Variants in EGR2 observed in about 807,000 individuals in gnomAD.
EGR2 encodes E3 SUMO-protein ligase EGR2.
A neutral mutation model predicts 21.2 loss-of-function variants in EGR2; 2 were observed. The ratio of observed to expected loss-of-function variants is 0.09; its 90% CI spans 0.04 to 0.30. The LOEUF is 0.30. Among genes scored for constraint, EGR2 ranks in the 10% least tolerant of loss-of-function variants. The pLI, the probability that EGR2 is intolerant of heterozygous loss-of-function variation, is 1.00. For synonymous variants in EGR2, 282 were observed against 258.2 expected (o/e 1.09, Z -0.88); for missense variants, 458 against 630.2 (o/e 0.73, Z 2.93).
chr10:62,816,215 T>A lies in EGR2; in HGVS notation c.-186A>T. 14 of 1,482,820 alleles carry A rather than the reference T, an allele frequency of 9.4e-6. No homozygotes were observed. The highest frequency in any genetic ancestry group is 1.2e-5 in the Non-Finnish European group (14 of 1,120,996). The allele number at this position is 1,482,820 out of a possible 1,614,324, so 91.9% of individuals were successfully genotyped here. On this transcript the variant is annotated 5_prime_UTR_variant, in exon 1 of 2. Coordinates refer to ENST00000242480, the MANE Select transcript of EGR2 (RefSeq NM_000399.5). ...ATAAAAGTAGCAAACAAGTTGCTGT[T>A]TTTTAAGAAATAAGAAAAATGTCTA...
rs763131472 is a variant in EGR2 at position 62,815,956 on chromosome 10, A to T, written c.74T>A (p.Ile25Asn). ...SGFVHQLSDN[I>N]YPVEDLAATS... Reference sequence around the variant, plus strand: ...GGCGGCGAGGTCCTCCACCGGGTAGATGTTGTCAGACAGCTGGTGCACAAA... The same window carrying T: ...GGCGGCGAGGTCCTCCACCGGGTAGTTGTTGTCAGACAGCTGGTGCACAAA... The change falls in exon 1 of 2, where the codon ATC becomes AAC. Residue 25 changes from isoleucine (I) to asparagine (N), a missense_variant. Coordinates refer to ENST00000242480, the MANE Select transcript of EGR2 (RefSeq NM_000399.5). 56 of 1,614,096 alleles carry T rather than the reference A, an allele frequency of 3.5e-5. No individual in the cohort carries two copies. The highest frequency in any genetic ancestry group is 4.7e-5 in the Non-Finnish European group (55 of 1,180,042).
upstream of EGR2, among the ~76,000 whole-genome samples, chr10:62,817,664 G>A (rs1354426287): frequency 6.6e-6 from 1 of 152,076 alleles, no homozygotes; most frequent in African/African-American, 2.4e-5. This position sits in a 1 kb window ranked among gnomAD's most constrained non-coding sequence, Gnocchi z 4.4. Flanking sequence ...CTCAGTGACG[G>A]CCGAAAGCAT....
chr10:62,817,458 G>A (rs1361171037), upstream of EGR2, among the ~76,000 whole-genome samples: 3 of 152,110 alleles, frequency 2.0e-5, no homozygotes, highest in Admixed American at 6.5e-5. The surrounding 1 kb of genome is among the most constrained non-coding windows in gnomAD (Gnocchi z 4.4). Flanking sequence ...GCGGGCTCCG[G>A]GCTCGCTGGA....
chr10:62,813,845 G>A lies in EGR2; in HGVS notation c.793C>T (p.Leu265Phe), dbSNP rs1201245940. ...TLRVPPPLTPLSTIRNFTLGG... is the reference protein window; with the variant it reads ...TLRVPPPLTPFSTIRNFTLGG... ...AGGGTAAAGTTACGGATTGTAGAGAGTGGAGTGAGTGGAGGGGGCACCCGC... is the reference window on the plus strand; with the variant it reads ...AGGGTAAAGTTACGGATTGTAGAGAATGGAGTGAGTGGAGGGGGCACCCGC... Residue 265 changes from leucine (L) to phenylalanine (F), a missense_variant, in exon 2 of 2, where the codon CTC becomes TTC. By Grantham distance (22) the Leu-to-Phe change is conservative (BLOSUM62 0). Around this residue, in one of 5 missense-constraint regions of EGR2, gnomAD observed 253 missense variants for 315.5 expected, o/e 0.80. Coordinates refer to ENST00000242480, the MANE Select transcript of EGR2 (RefSeq NM_000399.5). The surrounding 1 kb of genome is among the most constrained non-coding windows in gnomAD (Gnocchi z 5.7). 1.2e-6 allele frequency: 2 copies of A among 1,614,052 alleles called. No homozygotes were observed. Among genetic ancestry groups the A allele is most frequent in the African/African-American group, 1.3e-5 (1 of 74,928 alleles).
intron 1 of EGR2, 26 bp downstream of exon 1, chr10:62,815,835 C>A (rs762293020): frequency 6.2e-7 from 1 of 1,613,460 alleles, no homozygotes; most frequent in Non-Finnish European, 8.5e-7. Flanking sequence ...CGCGCAGGTC[C>A]GGGCCTGCGA....
At position 62,815,856 on chromosome 10, in the gene EGR2, C is replaced by G; in HGVS notation, c.169+5G>C. On this transcript the variant is annotated splice_donor_5th_base_variant and intron_variant, in intron 1 of 1. Coordinates refer to ENST00000242480, the MANE Select transcript of EGR2 (RefSeq NM_000399.5). ...GGTCCGGGCCTGCGAAGACACGCGG[C>G]TTACCTCCGGCCACTCCGTTCATCT... is the stretch of plus-strand genomic sequence containing the variant. 6.2e-7 allele frequency: 1 copy of G among 1,614,010 alleles called. No individual in the cohort carries two copies. Among genetic ancestry groups the G allele is most frequent in the East Asian group, 2.2e-5 (1 of 44,880 alleles).
At position 62,816,101 on chromosome 10, in the gene EGR2, G is replaced by A. The variant is rs1842261716; in HGVS notation, c.-72C>T. 3 of 1,612,948 alleles carry A rather than the reference G, an allele frequency of 1.9e-6. No homozygotes were observed. Among genetic ancestry groups the A allele is most frequent in the African/African-American group, 1.3e-5 (1 of 74,882 alleles). On this transcript the variant is annotated 5_prime_UTR_variant, in exon 1 of 2. Coordinates refer to ENST00000242480, the MANE Select transcript of EGR2 (RefSeq NM_000399.5). ...TGTCAGAAAAGCCGTTTTGGAGAGG[G>A]GTTGGACTGAGCCTGGGATGGTATC...
chr10:62,818,885 G>A (rs1040241052), upstream of EGR2, among the ~76,000 whole-genome samples: 2 of 152,048 alleles, frequency 1.3e-5, no homozygotes, highest in African/African-American at 4.8e-5. Flanking sequence ...GTCGCCGCGC[G>A]CCACCCCGAG....
At chr10:62,816,623 G>C (rs1047978047), upstream of EGR2, among the ~76,000 whole-genome samples, 6 of 152,148 alleles carry the variant, frequency 3.9e-5, no homozygotes, top group African/African-American at 1.4e-4. Flanking sequence ...GCGGGGGAGA[G>C]GGCGCGCCAT....
At chr10:62,818,471 T>C (rs1261845805), upstream of EGR2, 1 of 926,174 alleles carries the variant, frequency 1.1e-6, no homozygotes, top group East Asian at 8.7e-5. Context: ...CCAGCAAAAA[T>C]GTGCAAAGTC....
Position 62,813,038 on chromosome 10 carries a change from G to A in EGR2, c.*169C>T. On this transcript the variant is annotated 3_prime_UTR_variant, in exon 2 of 2. Transcript: ENST00000242480. This position sits in a 1 kb window ranked among gnomAD's most constrained non-coding sequence, Gnocchi z 5.7. ...AGAGACTAGAATGGGCTAAGTTTTAGGAAGAACCTGCTTCTAGGTGGAAAG... is the reference window on the plus strand; with the variant it reads ...AGAGACTAGAATGGGCTAAGTTTTAAGAAGAACCTGCTTCTAGGTGGAAAG... The A allele has an allele frequency of 1.4e-6, 1 of 731,582 alleles. No individual in the cohort carries two copies. Among genetic ancestry groups the A allele is most frequent in the East Asian group, 2.7e-5 (1 of 37,294 alleles). 45.3% of individuals were successfully genotyped at this position (731,582 alleles called of 1,614,324 possible).
At position 62,814,044 on chromosome 10, in the gene EGR2, G is replaced by A; in HGVS notation, c.594C>T (p.Ser198=). The A allele has an allele frequency of 6.2e-7, 1 of 1,614,152 alleles. No homozygotes were observed. Among genetic ancestry groups the A allele is most frequent in the South Asian group, 1.1e-5 (1 of 91,078 alleles). Reference sequence around the variant, plus strand: ...AAGGAGGTGGTGGGTAGGCCAGAGAGGAAGAGGTGGAGGTGGTGGCTGCTG... The same window carrying A: ...AAGGAGGTGGTGGGTAGGCCAGAGAAGAAGAGGTGGAGGTGGTGGCTGCTG... ...FLSAATTSTS[S]SLAYPPPPSY... is the part of the protein sequence containing the mutation. The change falls in exon 2 of 2, where the codon TCC becomes TCT. Residue 198 remains serine (S), a synonymous_variant. Transcript: ENST00000242480. The surrounding 1 kb of genome is among the most constrained non-coding windows in gnomAD (Gnocchi z 4.8).
At chr10:62,815,786 T>A (rs1043638290) in intron 1 of EGR2, 75 bp downstream of exon 1, 11 of 1,562,622 alleles carry the variant, frequency 7.0e-6, no homozygotes, top group Non-Finnish European at 8.7e-6. Flanking sequence ...CTCCTGCGAT[T>A]CCCGCACACC....
In EGR2 at chr10:62,813,267, G is replaced by A. The variant is rs1367902053; in HGVS notation, c.1371C>T (p.Asn457=). The A allele has an allele frequency of 1.9e-6, 3 of 1,567,974 alleles. No homozygotes were observed. The highest frequency in any genetic ancestry group is 2.4e-5 in the South Asian group (2 of 82,462). Residue 457 remains asparagine, a synonymous_variant, in exon 2 of 2, where the codon AAC becomes AAT. Coordinates refer to ENST00000242480, the MANE Select transcript of EGR2 (RefSeq NM_000399.5). The surrounding 1 kb of genome is among the most constrained non-coding windows in gnomAD (Gnocchi z 5.7). ...VQPGGTLCSS[N]SSSLGGGPLA... is the part of the protein sequence containing the mutation. ...GCGGCCCTCCGCCAAGACTGCTGCT[G>A]TTACTGCTGCACAGGGTACCCCCAG...
At chr10:62,819,046 G>A (rs1838323089), upstream of EGR2, 1 of 152,604 alleles carries the variant, frequency 6.6e-6, no homozygotes, top group South Asian at 2.1e-4. Context: ...AAGGCGGGTG[G>A]AGGAGGGGGC....
chr10:62,813,723 G>A lies in EGR2; in HGVS notation c.915C>T (p.Ala305=), dbSNP rs759462455. ...GGTGTGGGTTATAGGCGGCGGCGGC[G>A]GCGGCTGCTGCTGCTGCTGAGCTGC... ...PGSSSAAAAA[A]AAAAYNPHHL... The change falls in exon 2 of 2, where the codon GCC becomes GCT. Residue 305 remains alanine, a synonymous_variant. Coordinates refer to ENST00000242480, the MANE Select transcript of EGR2 (RefSeq NM_000399.5). The surrounding 1 kb of genome is among the most constrained non-coding windows in gnomAD (Gnocchi z 5.7). The A allele has an allele frequency of 6.2e-7, 1 of 1,611,198 alleles. No homozygotes were observed. The highest frequency in any genetic ancestry group is 2.2e-5 in the East Asian group (1 of 44,850).
Position 62,814,440 on chromosome 10 carries a change from T to C in EGR2, c.198A>G (p.Gly66=), listed in dbSNP as rs201770282. ...GDGMINIDMT[G]EKRSLDLPYP... ...ATGGGAGATCCAACGACCTCTTCTC[T>C]CCAGTCATGTCAATGTTGATCATGC... Residue 66 remains glycine (G), a synonymous_variant, in exon 2 of 2, where the codon GGA becomes GGG. Transcript: ENST00000242480. This position sits in a 1 kb window ranked among gnomAD's most constrained non-coding sequence, Gnocchi z 4.8. 1.9e-6 allele frequency: 3 copies of C among 1,613,918 alleles called. No individual in the cohort carries two copies. The highest frequency in any genetic ancestry group is 1.7e-6 in the Non-Finnish European group (2 of 1,180,020).
chr10:62,816,426 G>A (rs1842272030), upstream of EGR2: 2 of 1,151,190 alleles, frequency 1.7e-6, no homozygotes, highest in Non-Finnish European at 2.2e-6. Flanking sequence ...TGACGTCGCT[G>A]CCCATATATG....
At position 62,814,536 on chromosome 10, in the gene EGR2, C is replaced by T. The variant is rs1842214155; in HGVS notation, c.170-68G>A. 1.4e-6 allele frequency: 2 copies of T among 1,452,566 alleles called. No individual in the cohort carries two copies. Among genetic ancestry groups the T allele is most frequent in the Non-Finnish European group, 1.9e-6 (2 of 1,035,724 alleles). The allele number at this position is 1,452,566 out of a possible 1,614,324, so 90.0% of individuals were successfully genotyped here. On this transcript the variant is annotated intron_variant, in intron 1 of 1. Transcript: ENST00000242480. The surrounding 1 kb of genome is among the most constrained non-coding windows in gnomAD (Gnocchi z 4.8). The stretch of plus-strand genomic sequence containing the variant: ...ACAGCCAGGACTCCCTTCTCACCCC[C>T]GCTCACATAGGTCCATTTCCAAGGC...
Sources: gnomAD v4.1 joint callset for allele counts (sites outside exome capture counted in the v4.1 genomes callset) on GRCh38, gnomAD v4.1.1 for gene constraint, gnomAD v4.1.1 regional missense constraint, Gnocchi (gnomAD v3.1) non-coding constraint, MANE v1.5 for transcripts, NCBI Gene and HGNC (gene_info 2026-07-23, HGNC 2026-07-21) for gene names.